GSTCD: variants seen among roughly 807,000 people sequenced by gnomAD.
GSTCD encodes the protein glutathione S-transferase C-terminal domain-containing protein.
In GSTCD, 44 loss-of-function variants were observed where a neutral mutation model predicts 68.3. That is an observed-to-expected ratio of 0.64 (90% CI 0.51 to 0.83). GSTCD has a LOEUF of 0.83. Ranked by LOEUF, GSTCD falls within the 40% of genes least tolerant of loss-of-function variation. The pLI, the probability that GSTCD is intolerant of heterozygous loss-of-function variation, is 0.00. For synonymous variants in GSTCD, 273 were observed against 255.2 expected (o/e 1.07, Z -0.67); for missense variants, 739 against 735.9 (o/e 1.00, Z -0.05).
intron 5 of GSTCD, among the ~76,000 whole-genome samples, chr4:105,752,117 C>T (rs1020363495): frequency 6.6e-6 from 1 of 152,120 alleles, no homozygotes; most frequent in African/African-American, 2.4e-5. Flanking sequence ...TGCCTCATTG[C>T]CACATAATGT....
At chr4:105,721,995 T>C (rs979440803) in intron 3 of GSTCD, among the ~76,000 whole-genome samples, 2 of 152,168 alleles carry the variant, frequency 1.3e-5, no homozygotes, top group African/African-American at 2.4e-5. Context: ...GATTGTATAT[T>C]ATTTTTCAGT....
At chr4:105,806,359 G>A in intron 5 of GSTCD, among the ~76,000 whole-genome samples, 1 of 152,034 alleles carries the variant, frequency 6.6e-6, no homozygotes, top group East Asian at 1.9e-4. Context: ...TTAGTTTTCA[G>A]TACAGGAGAT....
At chr4:105,731,346 A>G (rs1733233468) in intron 5 of GSTCD, among the ~76,000 whole-genome samples, 2 of 152,196 alleles carry the variant, frequency 1.3e-5, no homozygotes, top group African/African-American at 4.8e-5. Flanking sequence ...CACAATATTG[A>G]TTCTTCCTAT....
intron 5 of GSTCD, among the ~76,000 whole-genome samples, chr4:105,757,407 C>T (rs1339193841): frequency 1.3e-5 from 2 of 152,076 alleles, no homozygotes; most frequent in African/African-American, 2.4e-5. Flanking sequence ...ACCATCTGGC[C>T]AATTATATCA....
intron 3 of GSTCD, among the ~76,000 whole-genome samples, chr4:105,722,862 T>G (rs1732916022): frequency 6.6e-6 from 1 of 151,916 alleles, no homozygotes; most frequent in African/African-American, 2.4e-5. Context: ...TCATTCCTTA[T>G]GAAGAAATTT....
In GSTCD at chr4:105,726,668, A is replaced by G. The variant is rs776544920; in HGVS notation, c.984A>G (p.Val328=). 3 of 1,613,770 alleles carry G rather than the reference A, an allele frequency of 1.9e-6. No individual in the cohort carries two copies. Among genetic ancestry groups the G allele is most frequent in the Admixed American group, 1.7e-5 (1 of 59,930 alleles). ...WYQRIQEVPG[V]KTAASKCGIQ... ...AGAGGATTCAGGAAGTGCCAGGAGTAAAAACAGCAGCTTCTAAGTGTGGGA... is the reference window on the plus strand; with the variant it reads ...AGAGGATTCAGGAAGTGCCAGGAGTGAAAACAGCAGCTTCTAAGTGTGGGA... The change falls in exon 4 of 12, where the codon GTA becomes GTG. Residue 328 remains valine (V), a synonymous_variant. Coordinates refer to ENST00000515279, the MANE Select transcript of GSTCD (RefSeq NM_001370181.1).
chr4:105,844,254 G>A (rs1050494728), intron 11 of GSTCD, among the ~76,000 whole-genome samples: 28 of 152,016 alleles, frequency 1.8e-4, no homozygotes, highest in African/African-American at 6.8e-4. Flanking sequence ...TGTCTTAAAG[G>A]AAAGACAATA....
At chr4:105,773,808 G>T (rs1734947932) in intron 5 of GSTCD, among the ~76,000 whole-genome samples, 1 of 152,150 alleles carries the variant, frequency 6.6e-6, no homozygotes, top group Non-Finnish European at 1.5e-5. Context: ...GTGTGATGTG[G>T]TGCTGAGAAG....
chr4:105,719,964 C>G (rs1057487159), intron 3 of GSTCD, among the ~76,000 whole-genome samples: 1 of 151,612 alleles, frequency 6.6e-6, no homozygotes, highest in Non-Finnish European at 1.5e-5. Flanking sequence ...AACTAAAAAT[C>G]TTGTCAGCTA....
In GSTCD at chr4:105,845,590, A is replaced by G. The variant is rs369159127; in HGVS notation, c.*13A>G. The stretch of plus-strand genomic sequence containing the variant: ...AGTCCCCATTTAAAATGAGATATTC[A>G]CATTTGATATTTTGCCATCCGTCTT... On this transcript the variant is annotated 3_prime_UTR_variant, in exon 12 of 12. Coordinates refer to ENST00000515279, the MANE Select transcript of GSTCD (RefSeq NM_001370181.1). 64 of 1,613,426 alleles carry G rather than the reference A, an allele frequency of 4.0e-5. No individual in the cohort carries two copies. The highest frequency in any genetic ancestry group is 4.9e-5 in the Non-Finnish European group (58 of 1,179,722).
intron 5 of GSTCD, among the ~76,000 whole-genome samples, chr4:105,732,955 G>A (rs985744709): frequency 2.6e-4 from 39 of 152,178 alleles, no homozygotes; most frequent in African/African-American, 9.4e-4. Flanking sequence ...GTACCCAGTA[G>A]TCATTCAGGA....
At chr4:105,757,611 A>G (rs1385278976) in intron 5 of GSTCD, among the ~76,000 whole-genome samples, 1 of 152,142 alleles carries the variant, frequency 6.6e-6, no homozygotes, top group Non-Finnish European at 1.5e-5. Flanking sequence ...ATCCTTTCTC[A>G]TATAGCTTGT....
At chr4:105,827,707 T>C (rs1481452600) in intron 8 of GSTCD, among the ~76,000 whole-genome samples, 1 of 152,158 alleles carries the variant, frequency 6.6e-6, no homozygotes, top group Non-Finnish European at 1.5e-5. Context: ...ATATTGGAAA[T>C]GCATTAAAAC....
At chr4:105,722,446 C>T (rs1732887805) in intron 3 of GSTCD, among the ~76,000 whole-genome samples, 1 of 151,986 alleles carries the variant, frequency 6.6e-6, no homozygotes, top group Non-Finnish European at 1.5e-5. Flanking sequence ...AAACAGAGAG[C>T]TGGGATTATA....
intron 5 of GSTCD, among the ~76,000 whole-genome samples, chr4:105,735,052 GA>G (rs1733409051): frequency 6.6e-6 from 1 of 152,204 alleles, no homozygotes; most frequent in South Asian, 2.1e-4. Context: ...CTTCGTCTCA[GA>G]GGGGTACCCG....
intron 5 of GSTCD, among the ~76,000 whole-genome samples, chr4:105,734,043 T>C (rs1054062857): frequency 6.6e-6 from 1 of 152,266 alleles, no homozygotes; most frequent in African/African-American, 2.4e-5. Flanking sequence ...GTAGGATTTC[T>C]GCTGAGAGAT....
chr4:105,737,092 T>A (rs1294670), intron 5 of GSTCD, among the ~76,000 whole-genome samples: 93,133 of 152,108 alleles, frequency 0.61, 33,952 homozygotes, highest in East Asian at 0.9. Flanking sequence ...TTTCTTTTCT[T>A]TTGGATATAT....
intron 5 of GSTCD, among the ~76,000 whole-genome samples, chr4:105,730,559 C>T (rs1464661514): frequency 1.3e-5 from 2 of 152,150 alleles, no homozygotes; most frequent in Admixed American, 6.5e-5. Flanking sequence ...AGTGTCTGTT[C>T]ATATCCTTCG....
rs572682895 is a variant in GSTCD at position 105,730,480 on chromosome 4, T to G, written c.1240+981T>G. Among the ~76,000 whole-genome samples the G allele has an allele frequency of 4.2e-3, 643 of 152,368 alleles. 7 individuals carry two copies. Among genetic ancestry groups the G allele is most frequent in the African/African-American group, 0.015 (605 of 41,594 alleles). ...TCTCATTGTGGTTTTGATTTGCATT[T>G]CTCTGATGGCCAGTGATGATGAACA... On this transcript the variant is annotated intron_variant, in intron 5 of 11. Coordinates refer to ENST00000515279, the MANE Select transcript of GSTCD (RefSeq NM_001370181.1).
Sources: gnomAD v4.1 joint callset for allele counts (sites outside exome capture counted in the v4.1 genomes callset) on GRCh38, gnomAD v4.1.1 for gene constraint, MANE v1.5 for transcripts, NCBI Gene and HGNC (gene_info 2026-07-23, HGNC 2026-07-21) for gene names.